Variants in TCOF1 observed in about 807,000 individuals in gnomAD.
The protein encoded by TCOF1 is treacle ribosome biogenesis factor 1, also known as treacle protein.
TCOF1 carries 33 observed loss-of-function variants against 149.0 expected under a neutral mutation model. The observed-to-expected ratio is 0.22, with a 90% CI of 0.17 to 0.30. The LOEUF (loss-of-function observed/expected upper bound fraction) is 0.30, where lower values mean the gene tolerates loss of function less well. Among genes scored for constraint, TCOF1 ranks in the 10% least tolerant of loss-of-function variants. The pLI, the probability that TCOF1 is intolerant of heterozygous loss-of-function variation, is 1.00. For synonymous variants in TCOF1, 789 were observed against 738.8 expected (o/e 1.07, Z -1.10); for missense variants, 1,728 against 1,840.7 (o/e 0.94, Z 1.12).
intron 22 of TCOF1, chr5:150,393,050 C>T (rs755166376): frequency 1.5e-5 from 9 of 592,928 alleles, no homozygotes; most frequent in Admixed American, 3.0e-5. Context: ...GGGTGATGTC[C>T]GGACAAAAAC....
In TCOF1 at chr5:150,387,936, A is replaced by C; in HGVS notation, c.2894A>C (p.Asn965Thr). The C allele has an allele frequency of 6.2e-7, 1 of 1,613,778 alleles. No homozygotes were observed. Among genetic ancestry groups the C allele is most frequent in the Non-Finnish European group, 8.5e-7 (1 of 1,179,970 alleles). Residue 965 changes from asparagine (N) to threonine (T), a missense_variant, in exon 18 of 27, where the codon AAT becomes ACT. By Grantham distance (65) the Asn-to-Thr change is moderately conservative. This residue lies in a region of TCOF1 where 1,696 missense variants were observed against 1,765.4 expected (regional missense o/e 0.96). Coordinates refer to ENST00000643257, the MANE Select transcript of TCOF1 (RefSeq NM_001371623.1). The part of the protein sequence containing the change: ...IKPPLIFVDP[N>T]RSPAGPAATP... ...CCCCCTCTGATTTTTGTCGACCCTA[A>C]TCGTAGTCCAGCTGGCCCAGCTGCT...
intron 23 of TCOF1, among the ~76,000 whole-genome samples, chr5:150,395,104 C>CCCAGT (rs1768189998): frequency 1.3e-5 from 2 of 152,196 alleles, no homozygotes; most frequent in South Asian, 4.1e-4. Flanking sequence ...GCCTGCCCTG[C>CCCAGT]CCAGTCCACC....
At chr5:150,359,029 C>T (rs889280367) in intron 1 of TCOF1, among the ~76,000 whole-genome samples, 3 of 151,876 alleles carry the variant, frequency 2.0e-5, no homozygotes, top group African/African-American at 7.3e-5. Context: ...GAGCAAGACA[C>T]TGTCTCAAAA....
intron 1 of TCOF1, among the ~76,000 whole-genome samples, chr5:150,359,775 A>G (rs770508233): frequency 5.9e-5 from 9 of 152,220 alleles, no homozygotes; most frequent in Admixed American, 1.3e-4. Flanking sequence ...ACAGGTGACA[A>G]ATAGAAAAAG....
In TCOF1 at chr5:150,375,765, T is replaced by C. The variant is rs749077503; in HGVS notation, c.1749T>C (p.Ser583=). The C allele has an allele frequency of 1.2e-6, 2 of 1,614,212 alleles. No homozygotes were observed. The highest frequency in any genetic ancestry group is 2.7e-5 in the African/African-American group (2 of 75,050). The change falls in exon 12 of 27, where the codon AGT becomes AGC. Residue 583 remains serine (S), a synonymous_variant. Coordinates refer to ENST00000643257, the MANE Select transcript of TCOF1 (RefSeq NM_001371623.1). ...TCCTCCAGGCCAAACCCACCTCCAG[T>C]CCTGCCAAGGGGCCCCCTCAGAAGG... ...GNILQAKPTS[S]PAKGPPQKAG... is the part of the protein sequence containing the mutation.
Position 150,357,722 on chromosome 5 carries a change from AGCCG to A in TCOF1, c.-15_-12del. ...GGGGACTAAGGCGGGGCGTGCAGGTAGCCGGCCGGCCGGGGGTCGCGGGTATGGC... is the reference window on the plus strand; with the variant it reads ...GGGGACTAAGGCGGGGCGTGCAGGTAGCCGGCCGGGGGTCGCGGGTATGGC... On this transcript the variant is annotated 5_prime_UTR_variant, in exon 1 of 27. Transcript: ENST00000643257. 2 of 1,536,804 alleles carry A rather than the reference AGCCG, an allele frequency of 1.3e-6. No homozygotes were observed.
chr5:150,377,943 T>C (rs1047195676), intron 14 of TCOF1, among the ~76,000 whole-genome samples: 2 of 152,240 alleles, frequency 1.3e-5, no homozygotes, highest in Non-Finnish European at 2.9e-5. Context: ...GGAGAACATA[T>C]TTTGTATGAT....
chr5:150,376,746 A>G, intron 14 of TCOF1, 126 bp downstream of exon 14: 4 of 930,470 alleles, frequency 4.3e-6, no homozygotes, highest in Non-Finnish European at 6.8e-6. Context: ...GCCTCAACAC[A>G]GCTTCCTTCC....
In TCOF1 at chr5:150,391,464, A is replaced by G. The variant is rs371189511; in HGVS notation, c.3184-80A>G. On this transcript the variant is annotated intron_variant, in intron 19 of 26. Transcript: ENST00000643257. Reference sequence around the variant, plus strand: ...CCCTGCTCCAGCCCTCACCCCAGCCAGACAGCATCTGACCAGGGTGTGGCA... The same window carrying G: ...CCCTGCTCCAGCCCTCACCCCAGCCGGACAGCATCTGACCAGGGTGTGGCA... 6 of 1,281,772 alleles carry G rather than the reference A, an allele frequency of 4.7e-6. No homozygotes were observed. The African/African-American group carries it at 5.9e-5, about 13-fold the overall frequency. 79.4% of individuals were successfully genotyped at this position (1,281,772 alleles called of 1,614,324 possible).
chr5:150,365,833 T>G (rs948613888), intron 3 of TCOF1, among the ~76,000 whole-genome samples: 8 of 151,970 alleles, frequency 5.3e-5, no homozygotes, highest in Non-Finnish European at 8.8e-5. Context: ...AAGTCTTCAC[T>G]GGGTTGGGCA....
intron 24 of TCOF1, 51 bp downstream of exon 24, chr5:150,396,893 G>T: frequency 1.3e-6 from 2 of 1,548,034 alleles, no homozygotes; most frequent in East Asian, 2.4e-5. Context: ...GGCACCCCAC[G>T]GGGGCGGGAG....
rs765231530 is a variant in TCOF1, at chr5:150,364,101, C to G, written c.165-12C>G. On this transcript the variant is annotated splice_polypyrimidine_tract_variant and intron_variant, in intron 2 of 26. Coordinates refer to ENST00000643257, the MANE Select transcript of TCOF1 (RefSeq NM_001371623.1). ...CACCCAGTTGGTATAGACAGTCACCCTTGTCCTGCAGAACCTCAGAGCTTG... is the reference window on the plus strand; with the variant it reads ...CACCCAGTTGGTATAGACAGTCACCGTTGTCCTGCAGAACCTCAGAGCTTG... 3.1e-6 allele frequency: 5 copies of G among 1,614,028 alleles called. No individual in the cohort carries two copies. Among genetic ancestry groups the G allele is most frequent in the Non-Finnish European group, 3.4e-6 (4 of 1,179,960 alleles).
intron 14 of TCOF1, among the ~76,000 whole-genome samples, chr5:150,376,970 G>A (rs1763953663): frequency 6.6e-6 from 1 of 152,222 alleles, no homozygotes; most frequent in Non-Finnish European, 1.5e-5. Context: ...CTGCAGTGTG[G>A]AGCGATGGGG....
chr5:150,365,610 AAC>A (rs1165751123), intron 3 of TCOF1, among the ~76,000 whole-genome samples: 1 of 152,160 alleles, frequency 6.6e-6, no homozygotes, highest in African/African-American at 2.4e-5. Flanking sequence ...TGCTATTTGA[AAC>A]ACAAATGGTA....
intron 17 of TCOF1, among the ~76,000 whole-genome samples, chr5:150,386,590 G>A (rs911455968): frequency 2.0e-5 from 3 of 151,200 alleles, no homozygotes; most frequent in African/African-American, 4.9e-5. Flanking sequence ...GTCAGGCTCA[G>A]GGGGTAAACA....
chr5:150,373,446 A>C (rs1762991891), intron 7 of TCOF1, among the ~76,000 whole-genome samples: 1 of 152,220 alleles, frequency 6.6e-6, no homozygotes, highest in African/African-American at 2.4e-5. Flanking sequence ...CACTTTCTGC[A>C]TGAGAAGCTT....
At chr5:150,365,451 A>G (rs1761130339) in intron 3 of TCOF1, among the ~76,000 whole-genome samples, 1 of 152,076 alleles carries the variant, frequency 6.6e-6, no homozygotes, top group Non-Finnish European at 1.5e-5. Flanking sequence ...AGAAGAGCAT[A>G]TAGAAGAAAA....
At chr5:150,366,127 A>C (rs1017716770) in intron 3 of TCOF1, among the ~76,000 whole-genome samples, 6 of 151,322 alleles carry the variant, frequency 4.0e-5, no homozygotes, top group African/African-American at 1.5e-4. Flanking sequence ...CAAAAAAAAA[A>C]AAAAAAGGAA....
intron 25 of TCOF1, among the ~76,000 whole-genome samples, chr5:150,398,751 C>T (rs569465036): frequency 5.3e-5 from 8 of 152,372 alleles, no homozygotes; most frequent in East Asian, 1.9e-4. Context: ...GCCTGGGCTG[C>T]GTGTGCCCCA....
Sources: allele counts gnomAD v4.1 joint callset (sites outside exome capture counted in the v4.1 genomes callset), GRCh38; gene constraint gnomAD v4.1.1; regional missense constraint gnomAD v4.1.1; transcripts MANE v1.5; gene names NCBI Gene and HGNC (gene_info 2026-07-23, HGNC 2026-07-21).